AKAP13: variants seen among roughly 807,000 people sequenced by gnomAD.
AKAP13 encodes A-kinase anchor protein 13.
A neutral mutation model predicts 264.5 loss-of-function variants in AKAP13; 80 were observed. The observed-to-expected ratio is 0.30, with a 90% CI of 0.25 to 0.36. The LOEUF is 0.36. Ranked by LOEUF, AKAP13 falls within the 10% of genes least tolerant of loss-of-function variation. The pLI is 1.00. For missense variants in AKAP13, 3,712 were observed against 3,435.2 expected (o/e 1.08, Z -2.01); for synonymous variants, 1,380 against 1,250.2 (o/e 1.10, Z -2.19).
At chr15:85,616,723 G>A (rs1007407930) in intron 8 of AKAP13, among the ~76,000 whole-genome samples, 13 of 152,190 alleles carry the variant, frequency 8.5e-5, no homozygotes, top group African/African-American at 3.1e-4. Flanking sequence ...CAAAATCCTG[G>A]CAGAATTACT....
intron 2 of AKAP13, among the ~76,000 whole-genome samples, chr15:85,505,449 G>A (rs1816044877): frequency 1.3e-5 from 2 of 152,168 alleles, no homozygotes; most frequent in Admixed American, 6.5e-5. Flanking sequence ...GTTTTGGCAG[G>A]AGAATACACA....
At chr15:85,740,774 C>T (rs1429898463) in intron 34 of AKAP13, among the ~76,000 whole-genome samples, 1 of 60,278 alleles carries the variant, frequency 1.7e-5, no homozygotes, top group Non-Finnish European at 3.9e-5. Flanking sequence ...CACACACAAC[C>T]ACCCCCCCCC....
chr15:85,720,771 A>C (rs574674340), intron 23 of AKAP13, among the ~76,000 whole-genome samples: 2 of 152,314 alleles, frequency 1.3e-5, no homozygotes, highest in African/African-American at 4.8e-5. Context: ...CCCTCACTTC[A>C]TTAATTTATT....
At chr15:85,659,076 A>G (rs1277516425) in intron 12 of AKAP13, among the ~76,000 whole-genome samples, 1 of 152,218 alleles carries the variant, frequency 6.6e-6, no homozygotes, top group Non-Finnish European at 1.5e-5. Flanking sequence ...GGCATTTTCC[A>G]TTCCATTGTG....
rs2086475942 is a variant in AKAP13 at position 85,708,985 on chromosome 15, G to T, written c.5532+899G>T. On this transcript the variant is annotated intron_variant, in intron 18 of 36. Transcript: ENST00000394518. This position sits in a 1 kb window ranked among gnomAD's most constrained non-coding sequence, Gnocchi z 4.3. ...TTCCCAGATGATGCTGATAGTCCGA[G>T]GACCTTACTTTGAGAAGCACTAAAA... 6.6e-6 allele frequency among the ~76,000 whole-genome samples: 1 copy of T among 152,132 alleles called. No homozygotes were observed. Among genetic ancestry groups the T allele is most frequent in the Admixed American group, 6.5e-5 (1 of 15,284 alleles).
chr15:85,400,199 G>C (rs1251723279), intron 1 of AKAP13, among the ~76,000 whole-genome samples: 1 of 152,160 alleles, frequency 6.6e-6, no homozygotes, highest in Non-Finnish European at 1.5e-5. Context: ...CAGGAGGCCA[G>C]GAGTTCAGGA....
At chr15:85,493,316 C>T (rs2075785965) in intron 2 of AKAP13, among the ~76,000 whole-genome samples, 1 of 152,168 alleles carries the variant, frequency 6.6e-6, no homozygotes, top group Non-Finnish European at 1.5e-5. Context: ...ATGAAATTCA[C>T]TTCATTTTGA....
At chr15:85,430,306 C>T (rs2072969772) in intron 1 of AKAP13, among the ~76,000 whole-genome samples, 3 of 152,176 alleles carry the variant, frequency 2.0e-5, no homozygotes, top group Non-Finnish European at 2.9e-5. Flanking sequence ...GTTTTACTGG[C>T]TCCTACTTTC....
chr15:85,446,609 G>C (rs994600855), intron 1 of AKAP13, among the ~76,000 whole-genome samples: 3 of 152,094 alleles, frequency 2.0e-5, no homozygotes, highest in Non-Finnish European at 4.4e-5. Context: ...GGGATGGAAA[G>C]ATATTTGTTG....
intron 8 of AKAP13, among the ~76,000 whole-genome samples, chr15:85,623,244 A>T (rs923135661): frequency 1.3e-5 from 2 of 152,204 alleles, no homozygotes; most frequent in African/African-American, 4.8e-5. Flanking sequence ...AATATTATCT[A>T]AACACTCAAA....
chr15:85,383,575 A>T (rs2070400077), intron 1 of AKAP13, among the ~76,000 whole-genome samples: 1 of 152,226 alleles, frequency 6.6e-6, no homozygotes. Context: ...AGGGGCCTTG[A>T]GACTTGTGAG....
chr15:85,641,871 A>G (rs988261670), intron 9 of AKAP13, among the ~76,000 whole-genome samples: 2 of 152,228 alleles, frequency 1.3e-5, no homozygotes, highest in Non-Finnish European at 2.9e-5. Flanking sequence ...TTAGTGTGAC[A>G]TAACAGAGCC....
At chr15:85,610,742 G>A (rs927471345) in intron 8 of AKAP13, among the ~76,000 whole-genome samples, 2 of 152,196 alleles carry the variant, frequency 1.3e-5, no homozygotes, top group African/African-American at 4.8e-5. Context: ...TCGGGAGGCC[G>A]AGGTGGGTGG....
chr15:85,654,250 A>G lies in AKAP13; in HGVS notation c.4375-1167A>G, dbSNP rs549926768. On this transcript the variant is annotated intron_variant, in intron 10 of 36. Coordinates refer to ENST00000394518, the MANE Select transcript of AKAP13 (RefSeq NM_007200.5). Reference sequence around the variant, plus strand: ...AGATATTTGTAACAGGTACTTATGCATTTGTGGCAAACTTTAGGTGGGGTC... The same window carrying G: ...AGATATTTGTAACAGGTACTTATGCGTTTGTGGCAAACTTTAGGTGGGGTC... 2.1e-4 allele frequency among the ~76,000 whole-genome samples: 32 copies of G among 152,358 alleles called. No homozygotes were observed. The South Asian group carries it at 4.1e-3, about 20-fold the overall frequency.
In AKAP13 at chr15:85,746,201, C is replaced by T. The variant is rs1388406492; in HGVS notation, c.*1524C>T. Reference sequence around the variant, plus strand: ...TAACTTGGTGCTTATTGATGAATTGCAAGCTGGCCTTGCAGATGGAGATAT... The same window carrying T: ...TAACTTGGTGCTTATTGATGAATTGTAAGCTGGCCTTGCAGATGGAGATAT... On this transcript the variant is annotated 3_prime_UTR_variant, in exon 37 of 37. Coordinates refer to ENST00000394518, the MANE Select transcript of AKAP13 (RefSeq NM_007200.5). The T allele has an allele frequency of 6.6e-6, 1 of 152,632 alleles. No homozygotes were observed. The highest frequency in any genetic ancestry group is 1.5e-5 in the Non-Finnish European group (1 of 68,044). The allele number at this position is 152,632 out of a possible 1,614,324, so 9.5% of individuals were successfully genotyped here.
chr15:85,702,046 C>G (rs1344382210), intron 17 of AKAP13: 5 of 152,010 alleles, frequency 3.3e-5, no homozygotes, highest in Admixed American at 1.3e-4. Context: ...GCGTTCAAGA[C>G]CAGCCTGACC....
At chr15:85,681,033 G>A (rs533381573) in intron 14 of AKAP13, among the ~76,000 whole-genome samples, 1 of 152,168 alleles carries the variant, frequency 6.6e-6, no homozygotes, top group South Asian at 2.1e-4. Context: ...GGTCAGCCTG[G>A]TCTTAAACTC....
chr15:85,422,014 T>A (rs2072546989), intron 1 of AKAP13, among the ~76,000 whole-genome samples: 1 of 152,126 alleles, frequency 6.6e-6, no homozygotes, highest in African/African-American at 2.4e-5. Flanking sequence ...ATTCCAAAGG[T>A]CTTTGTTACT....
In AKAP13 at chr15:85,581,094, C is replaced by A; in HGVS notation, c.3026C>A (p.Thr1009Asn). 6.2e-7 allele frequency: 1 copy of A among 1,614,054 alleles called. No homozygotes were observed. Among genetic ancestry groups the A allele is most frequent in the Non-Finnish European group, 8.5e-7 (1 of 1,179,948 alleles). ...GTGGCCCCACAAGTCTCACTGCTGA[C>A]TCAAGGTGGGGCTGCCCAGAGCCTG... ...KEVAPQVSLL[T>N]QGGAAQSLVP... Residue 1009 changes from threonine to asparagine, a missense_variant, in exon 7 of 37, where the codon ACT (threonine) becomes AAT (asparagine). Physicochemically the swap from Thr to Asn is moderately conservative, Grantham distance 65 (BLOSUM62 0). Around this residue, in one of 3 missense-constraint regions of AKAP13, gnomAD observed 2,759 missense variants for 2,411.7 expected, o/e 1.14. Coordinates refer to ENST00000394518, the MANE Select transcript of AKAP13 (RefSeq NM_007200.5).
Sources: allele counts gnomAD v4.1 joint callset (sites outside exome capture counted in the v4.1 genomes callset), GRCh38; gene constraint gnomAD v4.1.1; regional missense constraint gnomAD v4.1.1; non-coding constraint Gnocchi (gnomAD v3.1); transcripts MANE v1.5; gene names NCBI Gene and HGNC (gene_info 2026-07-23, HGNC 2026-07-21).